UBE2L3: variants seen among roughly 807,000 people sequenced by gnomAD.
The protein encoded by UBE2L3 is ubiquitin-conjugating enzyme E2 L3.
In UBE2L3, 1 loss-of-function variant was observed where a neutral mutation model predicts 17.8. The observed-to-expected ratio is 0.06, with a 90% CI of 0.02 to 0.27. The LOEUF is 0.27. Ranked by LOEUF, UBE2L3 falls within the 10% of genes least tolerant of loss-of-function variation. UBE2L3 has a pLI of 1.00. For missense variants in UBE2L3, 40 were observed against 192.6 expected (o/e 0.21, Z 4.69); for synonymous variants, 44 against 68.5 (o/e 0.64, Z 1.76).
chr22:21,573,695 G>A lies in UBE2L3; in HGVS notation c.27+5924G>A, dbSNP rs777817625. ...TGAGTCTCTCTCATCCCTCAGGAGG[G>A]CTGTGGGCAGTGCCTATGGGAAATG... is the stretch of plus-strand genomic sequence containing the variant. On this transcript the variant is annotated intron_variant, in intron 1 of 3. Transcript: ENST00000342192. Among the ~76,000 whole-genome samples the A allele has an allele frequency of 2.2e-4, 33 of 152,298 alleles. No individual in the cohort carries two copies. The South Asian group carries it at 3.5e-3, about 16-fold the overall frequency.
upstream of UBE2L3, chr22:21,567,654 G>A (rs1926699178): frequency 1.9e-6 from 3 of 1,547,096 alleles, no homozygotes; most frequent in Admixed American, 4.0e-5. Context: ...GCCCCGCCCC[G>A]CGGCCCCTCC....
chr22:21,552,155 A>G (rs572385159), intron 1 of UBE2L3, among the ~76,000 whole-genome samples: 5 of 152,334 alleles, frequency 3.3e-5, no homozygotes, highest in Non-Finnish European at 5.9e-5. Flanking sequence ...TTTTGGAGAC[A>G]TGGATGGACA....
At chr22:21,571,829 T>C (rs1478135337) in intron 1 of UBE2L3, among the ~76,000 whole-genome samples, 2 of 152,166 alleles carry the variant, frequency 1.3e-5, no homozygotes, top group Non-Finnish European at 2.9e-5. Flanking sequence ...GTGAGGTAGT[T>C]TGCTTTTGAG....
chr22:21,621,411 A>G, intron 3 of UBE2L3, 104 bp from the exon 4 acceptor site: 4 of 1,389,574 alleles, frequency 2.9e-6, no homozygotes, highest in Non-Finnish European at 3.8e-6. Flanking sequence ...CATTAGCTGT[A>G]AATCAGTTGT....
chr22:21,564,518 T>C (rs1441310310), upstream of UBE2L3, among the ~76,000 whole-genome samples: 1 of 152,196 alleles, frequency 6.6e-6, no homozygotes, highest in African/African-American at 2.4e-5. Flanking sequence ...GTACATTTCC[T>C]GAGTGCTTGT....
intron 1 of UBE2L3, among the ~76,000 whole-genome samples, chr22:21,575,743 A>G (rs907939976): frequency 2.2e-5 from 3 of 137,358 alleles, no homozygotes; most frequent in Non-Finnish European, 3.1e-5. Context: ...CCCATGTTCA[A>G]GCCATTCCTC....
chr22:21,600,135 A>T (rs1345471011), intron 2 of UBE2L3, among the ~76,000 whole-genome samples: 1 of 151,520 alleles, frequency 6.6e-6, no homozygotes, highest in Non-Finnish European at 1.5e-5. Context: ...AATGTGGCAA[A>T]ACCCCGTCTC....
At chr22:21,568,673 G>A (rs1408788572) in intron 1 of UBE2L3, among the ~76,000 whole-genome samples, 1 of 152,124 alleles carries the variant, frequency 6.6e-6, no homozygotes, top group Admixed American at 6.5e-5. Flanking sequence ...GTCCTCTGTA[G>A]CCCACCCCGC....
At chr22:21,583,518 C>T (rs989677056) in intron 1 of UBE2L3, among the ~76,000 whole-genome samples, 1 of 152,222 alleles carries the variant, frequency 6.6e-6, no homozygotes, top group Non-Finnish European at 1.5e-5. Context: ...GCTGTGACAT[C>T]TGAAGCATCC....
intron 1 of UBE2L3, among the ~76,000 whole-genome samples, chr22:21,588,192 A>C (rs1044916467): frequency 2.6e-5 from 4 of 151,898 alleles, no homozygotes; most frequent in African/African-American, 9.7e-5. Context: ...GGTCTTCCTA[A>C]CTCTGTTCTA....
intron 1 of UBE2L3, among the ~76,000 whole-genome samples, chr22:21,586,831 G>A (rs867918862): frequency 6.8e-6 from 1 of 146,282 alleles, no homozygotes; most frequent in Admixed American, 6.8e-5. Flanking sequence ...GCCTCCCAGA[G>A]TGTTGAAGCG....
At chr22:21,581,939 C>T (rs1480198735) in intron 1 of UBE2L3, among the ~76,000 whole-genome samples, 4 of 150,876 alleles carry the variant, frequency 2.7e-5, no homozygotes, top group Non-Finnish European at 4.4e-5. Context: ...TGGCAAAACC[C>T]CATGTCTACT....
chr22:21,598,526 C>T (rs903874310), intron 2 of UBE2L3, among the ~76,000 whole-genome samples: 4 of 146,592 alleles, frequency 2.7e-5, no homozygotes, highest in African/African-American at 1.0e-4. Flanking sequence ...CCCTTTCCTT[C>T]TCCCTTTCCC....
At chr22:21,556,401 A>G (rs1926226365) in intron 1 of UBE2L3, among the ~76,000 whole-genome samples, 1 of 152,396 alleles carries the variant, frequency 6.6e-6, no homozygotes, top group Non-Finnish European at 1.5e-5. Flanking sequence ...TCTAAAAAAA[A>G]AGTAAAATAA....
intron 2 of UBE2L3, among the ~76,000 whole-genome samples, chr22:21,598,193 TAA>T (rs1280914610): frequency 6.3e-4 from 64 of 101,096 alleles, no homozygotes; most frequent in African/African-American, 1.8e-3. Flanking sequence ...AAGGTTTCAT[TAA>T]TGTGTGTGTG....
chr22:21,603,907 ATTTTTTTT>A (rs144747629), intron 2 of UBE2L3, among the ~76,000 whole-genome samples: 2 of 111,328 alleles, frequency 1.8e-5, no homozygotes, highest in Admixed American at 1.0e-4. Context: ...GTGTTTTTTG[ATTTTTTTT>A]TTTTTTTTTT....
In UBE2L3 at chr22:21,615,437, C is replaced by T. The variant is rs1024637597; in HGVS notation, c.310+4394C>T. Among the ~76,000 whole-genome samples, 9 of 151,814 alleles carry T rather than the reference C, an allele frequency of 5.9e-5. No homozygotes were observed. The South Asian group carries it at 1.9e-3, about 32-fold the overall frequency. Reference sequence around the variant, plus strand: ...GAGCTTGGTGGCAGGCGCCTGTAGTCCCAGCTACTCGGGAGGCTGAGGCAG... The same window carrying T: ...GAGCTTGGTGGCAGGCGCCTGTAGTTCCAGCTACTCGGGAGGCTGAGGCAG... On this transcript the variant is annotated intron_variant, in intron 3 of 3. Coordinates refer to ENST00000342192, the MANE Select transcript of UBE2L3 (RefSeq NM_003347.4).
intron 2 of UBE2L3, among the ~76,000 whole-genome samples, chr22:21,605,448 A>T (rs1929105487): frequency 6.6e-6 from 1 of 151,854 alleles, no homozygotes; most frequent in South Asian, 2.1e-4. Context: ...CGATCTCCTG[A>T]TCTCGTGATC....
At chr22:21,591,599 T>C (rs1928268297) in intron 1 of UBE2L3, among the ~76,000 whole-genome samples, 1 of 152,204 alleles carries the variant, frequency 6.6e-6, no homozygotes, top group African/African-American at 2.4e-5. Context: ...CTTCCCTGCC[T>C]GTGTAGCCTC....
Sources: allele counts gnomAD v4.1 joint callset (sites outside exome capture counted in the v4.1 genomes callset), GRCh38; gene constraint gnomAD v4.1.1; transcripts MANE v1.5; gene names NCBI Gene and HGNC (gene_info 2026-07-23, HGNC 2026-07-21).